Variants in SPOCK3 observed in about 807,000 individuals in gnomAD.
The protein encoded by SPOCK3 is SPARC (osteonectin), cwcv and kazal like domains proteoglycan 3, also known as testican-3.
In SPOCK3, 30 loss-of-function variants were observed where a neutral mutation model predicts 56.6. That is an observed-to-expected ratio of 0.53 (90% CI 0.40 to 0.72). SPOCK3 has a LOEUF of 0.72. Among genes scored for constraint, SPOCK3 ranks in the 30% least tolerant of loss-of-function variants. SPOCK3 has a pLI of 0.00. For synonymous variants in SPOCK3, 196 were observed against 183.3 expected (o/e 1.07, Z -0.56); for missense variants, 527 against 530.0 (o/e 0.99, Z 0.06).
At chr4:166,876,037 G>A (rs1733046580) in intron 6 of SPOCK3, among the ~76,000 whole-genome samples, 1 of 152,130 alleles carries the variant, frequency 6.6e-6, no homozygotes, top group Admixed American at 6.5e-5. Flanking sequence ...AGGAGCACGG[G>A]GCTCAGGAAA....
intron 5 of SPOCK3, among the ~76,000 whole-genome samples, chr4:166,902,528 T>C (rs150893065): frequency 1.3e-5 from 2 of 152,108 alleles, no homozygotes; most frequent in African/African-American, 4.8e-5. Context: ...CTATAGTCTA[T>C]ATATTCTACC....
intron 9 of SPOCK3, among the ~76,000 whole-genome samples, chr4:166,738,884 G>T (rs1422104526): frequency 6.6e-6 from 1 of 151,904 alleles, no homozygotes; most frequent in Non-Finnish European, 1.5e-5. Flanking sequence ...GGACATTTGG[G>T]TTGGTTCCAA....
intron 4 of SPOCK3, among the ~76,000 whole-genome samples, chr4:166,998,154 A>G (rs1748582674): frequency 6.6e-6 from 1 of 152,168 alleles, no homozygotes; most frequent in Admixed American, 6.6e-5. Context: ...ATTTGTTGGA[A>G]ACTAGTGATT....
At chr4:167,125,464 A>G (rs950764654) in intron 2 of SPOCK3, among the ~76,000 whole-genome samples, 3 of 150,950 alleles carry the variant, frequency 2.0e-5, no homozygotes, top group African/African-American at 7.3e-5. Flanking sequence ...CTGTAATCCC[A>G]GCACTTTGGG....
chr4:167,064,647 A>C lies in SPOCK3; in HGVS notation c.190-2110T>G, dbSNP rs370419080. ...CCTGAAGCAGAACAGAAAGCTAGAC[A>C]TGCACACGTGAGTGATGGATTTGGA... On this transcript the variant is annotated intron_variant, in intron 2 of 10. Coordinates refer to ENST00000357545, the MANE Select transcript of SPOCK3 (RefSeq NM_001040159.2). 7.9e-5 allele frequency among the ~76,000 whole-genome samples: 12 copies of C among 151,940 alleles called. No homozygotes were observed. In the East Asian group the frequency reaches 2.1e-3, roughly 27 times the overall value.
chr4:167,125,328 T>C (rs1468527242), intron 2 of SPOCK3, among the ~76,000 whole-genome samples: 2 of 150,278 alleles, frequency 1.3e-5, no homozygotes, highest in African/African-American at 2.4e-5. Flanking sequence ...TAAACGTTTA[T>C]TGAATACCTT....
intron 3 of SPOCK3, among the ~76,000 whole-genome samples, chr4:167,056,342 A>G (rs889711031): frequency 2.0e-5 from 3 of 152,198 alleles, no homozygotes; most frequent in Admixed American, 6.5e-5. Flanking sequence ...GGGAAAAAAC[A>G]GAGCAGAAAA....
intron 3 of SPOCK3, among the ~76,000 whole-genome samples, chr4:167,043,700 A>AT (rs70957810): frequency 2.6e-5 from 4 of 151,312 alleles, no homozygotes; most frequent in East Asian, 1.9e-4. Context: ...TTACTATGTA[A>AT]TTTTTTTTCT....
At chr4:167,069,281 A>C (rs1330688895) in intron 2 of SPOCK3, among the ~76,000 whole-genome samples, 1 of 151,960 alleles carries the variant, frequency 6.6e-6, no homozygotes, top group Non-Finnish European at 1.5e-5. Flanking sequence ...AACCCAAGCC[A>C]CATAGAGAAG....
At chr4:167,059,357 T>C (rs911138418) in intron 3 of SPOCK3, among the ~76,000 whole-genome samples, 5 of 152,100 alleles carry the variant, frequency 3.3e-5, no homozygotes, top group Non-Finnish European at 7.3e-5. Context: ...GAACAGACAC[T>C]TCTCAAAAGA....
intron 2 of SPOCK3, among the ~76,000 whole-genome samples, chr4:167,165,207 A>C (rs1765652700): frequency 6.6e-6 from 1 of 152,194 alleles, no homozygotes. Context: ...CAAAATTGAC[A>C]AATGGGATCT....
chr4:167,119,938 CCTTT>C (rs1431834699), intron 2 of SPOCK3: 13 of 1,092,714 alleles, frequency 1.2e-5, no homozygotes, highest in Admixed American at 2.9e-5. Context: ...AGAATAAACC[CCTTT>C]CTGATGAAAA....
At chr4:166,978,018 CAA>C (rs898489715) in intron 4 of SPOCK3, among the ~76,000 whole-genome samples, 1 of 152,126 alleles carries the variant, frequency 6.6e-6, no homozygotes, top group African/African-American at 2.4e-5. Context: ...TCTTTGAAAA[CAA>C]AGAGTGAGTC....
chr4:166,754,735 G>C lies in SPOCK3; in HGVS notation c.710-6C>G. On this transcript the variant is annotated splice_region_variant and splice_polypyrimidine_tract_variant and intron_variant, in intron 7 of 10. Coordinates refer to ENST00000357545, the MANE Select transcript of SPOCK3 (RefSeq NM_001040159.2). ...CAAGATGCTGGTATCGAATCCTAAAGGCAAAAAAAAGAAAATGATTAGTTA... is the reference window on the plus strand; with the variant it reads ...CAAGATGCTGGTATCGAATCCTAAACGCAAAAAAAAGAAAATGATTAGTTA... 1 of 1,603,956 alleles carries C rather than the reference G, an allele frequency of 6.2e-7. No individual in the cohort carries two copies. Among genetic ancestry groups the C allele is most frequent in the Non-Finnish European group, 8.5e-7 (1 of 1,176,202 alleles).
intron 3 of SPOCK3, among the ~76,000 whole-genome samples, chr4:167,027,712 T>A (rs941977812): frequency 6.6e-6 from 1 of 152,030 alleles, no homozygotes; most frequent in African/African-American, 2.4e-5. Context: ...ATTAAGAAAA[T>A]CATAAGGAAG....
At chr4:167,120,407 A>C (rs1761769980) in intron 2 of SPOCK3, among the ~76,000 whole-genome samples, 1 of 152,066 alleles carries the variant, frequency 6.6e-6, no homozygotes, top group South Asian at 2.1e-4. Flanking sequence ...TAGACATTAT[A>C]GTTATTATTA....
chr4:166,982,323 C>G (rs1746672171), intron 4 of SPOCK3, among the ~76,000 whole-genome samples: 1 of 152,222 alleles, frequency 6.6e-6, no homozygotes, highest in Admixed American at 6.5e-5. Context: ...GACTTTGTAT[C>G]TCTTTTATCC....
chr4:167,053,639 C>A (rs1356196021), intron 3 of SPOCK3, among the ~76,000 whole-genome samples: 1 of 151,988 alleles, frequency 6.6e-6, no homozygotes, highest in Non-Finnish European at 1.5e-5. Flanking sequence ...GAGCCGAGAT[C>A]AGGCCACTGC....
intron 4 of SPOCK3, among the ~76,000 whole-genome samples, chr4:166,996,266 T>G (rs1329742233): frequency 2.0e-5 from 3 of 152,154 alleles, no homozygotes; most frequent in Non-Finnish European, 4.4e-5. Context: ...TTATTCAACC[T>G]TACTCTGTCT....
Sources: allele counts gnomAD v4.1 joint callset (sites outside exome capture counted in the v4.1 genomes callset), GRCh38; gene constraint gnomAD v4.1.1; transcripts MANE v1.5; gene names NCBI Gene and HGNC (gene_info 2026-07-23, HGNC 2026-07-21).